The following DLC1 variants were observed in gnomAD, a reference collection of about 807,000 sequenced individuals.
DLC1 encodes DLC1 Rho GTPase activating protein.
In DLC1, 54 loss-of-function variants were observed where a neutral mutation model predicts 140.3. The ratio of observed to expected loss-of-function variants is 0.38; its 90% CI spans 0.31 to 0.48. The LOEUF is 0.48. Ranked by LOEUF, DLC1 falls within the 20% of genes least tolerant of loss-of-function variation. The pLI is 0.96. For synonymous variants in DLC1, 986 were observed against 728.1 expected (o/e 1.35, Z -5.70); for missense variants, 2,536 against 1,907.0 (o/e 1.33, Z -6.14).
chr8:13,147,181 T>C (rs1258980818), intron 5 of DLC1, among the ~76,000 whole-genome samples: 1 of 152,212 alleles, frequency 6.6e-6, no homozygotes, highest in Admixed American at 6.5e-5. Flanking sequence ...GATTCTTCCT[T>C]AGAACCTAGT....
chr8:13,278,993 C>T (rs912869735), intron 5 of DLC1, among the ~76,000 whole-genome samples: 6 of 152,212 alleles, frequency 3.9e-5, no homozygotes, highest in South Asian at 2.1e-4. Context: ...GCCTCAAAAA[C>T]TCATTAGCTT....
At chr8:13,386,759 T>A (rs929655255) in intron 4 of DLC1, among the ~76,000 whole-genome samples, 6 of 152,044 alleles carry the variant, frequency 3.9e-5, no homozygotes, top group Admixed American at 2.0e-4. Context: ...CTAGGAAATA[T>A]CACATTATAA....
chr8:13,482,561 A>G (rs1029753319), intron 2 of DLC1, among the ~76,000 whole-genome samples: 2 of 152,322 alleles, frequency 1.3e-5, no homozygotes, highest in East Asian at 1.9e-4. Flanking sequence ...TTTTCTATCA[A>G]GCAAAATAAG....
Position 13,413,382 on chromosome 8 carries a change from T to C in DLC1, c.1024-11763A>G, listed in dbSNP as rs111993494. Among the ~76,000 whole-genome samples the C allele has an allele frequency of 1.3e-3, 193 of 150,560 alleles. 2 individuals are homozygous for C. Among genetic ancestry groups the C allele is most frequent in the African/African-American group, 4.5e-3 (185 of 40,988 alleles). On this transcript the variant is annotated intron_variant, in intron 2 of 17. Coordinates refer to ENST00000276297, the MANE Select transcript of DLC1 (RefSeq NM_182643.3). The stretch of plus-strand genomic sequence containing the variant: ...AAGCCAAAAGATTGAACACCCCTGC[T>C]GTACAGCATAAAATCCTTAATATAT...
chr8:13,438,203 C>A (rs942530503), intron 2 of DLC1, among the ~76,000 whole-genome samples: 2 of 152,088 alleles, frequency 1.3e-5, no homozygotes, highest in African/African-American at 4.8e-5. Context: ...TAAATTAAAT[C>A]AGAATCTCTT....
intron 8 of DLC1, among the ~76,000 whole-genome samples, chr8:13,102,545 T>C (rs1475936336): frequency 6.6e-6 from 1 of 152,188 alleles, no homozygotes; most frequent in Non-Finnish European, 1.5e-5. Flanking sequence ...GAGTTAGTAA[T>C]TAGGCAAAAT....
At chr8:13,572,949 A>ATTCATGG in intron 1 of DLC1, among the ~76,000 whole-genome samples, 1 of 152,190 alleles carries the variant, frequency 6.6e-6, no homozygotes, top group Admixed American at 6.5e-5. Flanking sequence ...TGTTTTGGCT[A>ATTCATGG]TTCATGGTTC....
At chr8:13,221,720 GTGTGTGTA>G (rs1371549821) in intron 5 of DLC1, among the ~76,000 whole-genome samples, 69 of 106,566 alleles carry the variant, frequency 6.5e-4, no homozygotes, top group Middle Eastern at 4.3e-3. Flanking sequence ...ATATGTGTGT[GTGTGTGTA>G]TATATATATA....
chr8:13,533,826 G>C (rs1186114018), intron 1 of DLC1, among the ~76,000 whole-genome samples: 2 of 152,132 alleles, frequency 1.3e-5, no homozygotes, highest in African/African-American at 4.8e-5. Context: ...CACAAGATCT[G>C]ATAGTTCTAT....
chr8:13,152,530 G>T (rs776765267), intron 5 of DLC1, among the ~76,000 whole-genome samples: 8 of 152,082 alleles, frequency 5.3e-5, no homozygotes, highest in Non-Finnish European at 1.2e-4. Context: ...CCTTTCCGAA[G>T]GTGTGCTAAT....
intron 1 of DLC1, among the ~76,000 whole-genome samples, chr8:13,510,333 C>G (rs1463313778): frequency 6.6e-6 from 1 of 152,106 alleles, no homozygotes; most frequent in Non-Finnish European, 1.5e-5. Flanking sequence ...GCTACCATGC[C>G]TGGCTAAAGT....
chr8:13,499,593 GA>G lies in DLC1; in HGVS notation c.478del (p.Ser160LeufsTer7). ...ALPIIQSNQV[S>X]SNSWGIAGET... The stretch of plus-strand genomic sequence containing the variant: ...ACCAGCTATTCCCCAGGAGTTAGAA[GA>G]AACTTGGTTACTTTGTATGATGGGC... On this transcript the variant is annotated frameshift_variant, in exon 2 of 18. Transcript: ENST00000276297. LOFTEE classifies it high-confidence loss of function. 1 of 1,614,148 alleles carries G rather than the reference GA, an allele frequency of 6.2e-7. No homozygotes were observed. The highest frequency in any genetic ancestry group is 1.6e-4 in the Middle Eastern group (1 of 6,062).
chr8:13,170,067 G>T (rs970233660), intron 5 of DLC1, among the ~76,000 whole-genome samples: 2 of 151,856 alleles, frequency 1.3e-5, no homozygotes. Flanking sequence ...CATGCTTTAG[G>T]TCCCCTGAGC....
chr8:13,534,375 C>T (rs1256159235), intron 1 of DLC1, among the ~76,000 whole-genome samples: 2 of 152,152 alleles, frequency 1.3e-5, no homozygotes, highest in Non-Finnish European at 2.9e-5. Context: ...AGTACACACA[C>T]ACCCCTCGCT....
intron 4 of DLC1, among the ~76,000 whole-genome samples, chr8:13,390,725 C>T (rs76949221): frequency 6.6e-5 from 10 of 152,150 alleles, no homozygotes; most frequent in Non-Finnish European, 8.8e-5. Flanking sequence ...TGGTGGCTCA[C>T]GCCTGTAATC....
chr8:13,590,186 A>C (rs1303677100), intron 1 of DLC1, among the ~76,000 whole-genome samples: 1 of 151,804 alleles, frequency 6.6e-6, no homozygotes, highest in African/African-American at 2.4e-5. Context: ...TACAGTATTA[A>C]GGACTTTTTT....
At chr8:13,567,408 TAAG>T (rs759466181) in intron 1 of DLC1, 1,913 of 1,551,794 alleles carry the variant, frequency 1.2e-3, no homozygotes, top group Non-Finnish European at 1.5e-3. Context: ...GAGGGGATTC[TAAG>T]AAGAAGACGA....
intron 5 of DLC1, among the ~76,000 whole-genome samples, chr8:13,219,840 G>A (rs547668054): frequency 2.0e-5 from 3 of 152,230 alleles, no homozygotes; most frequent in African/African-American, 7.2e-5. Context: ...TTATTCAGCT[G>A]TAAAAAGGAA....
At chr8:13,306,235 C>T (rs183645151) in intron 4 of DLC1, among the ~76,000 whole-genome samples, 2 of 152,272 alleles carry the variant, frequency 1.3e-5, no homozygotes, top group East Asian at 3.9e-4. Context: ...CAGCATTTAT[C>T]ACTGTTATGA....
Sources: gnomAD v4.1 joint callset for allele counts (sites outside exome capture counted in the v4.1 genomes callset) on GRCh38, gnomAD v4.1.1 for gene constraint, MANE v1.5 for transcripts, NCBI Gene and HGNC (gene_info 2026-07-23, HGNC 2026-07-21) for gene names.